Variants in WDR41 observed in about 807,000 individuals in gnomAD.
WDR41 encodes the protein WD repeat domain 41, also known as WD repeat-containing protein 41.
WDR41 carries 63 observed loss-of-function variants against 69.3 expected under a neutral mutation model. The ratio of observed to expected loss-of-function variants is 0.91; its 90% CI spans 0.74 to 1.12. The LOEUF (loss-of-function observed/expected upper bound fraction) is 1.12, where lower values mean the gene tolerates loss of function less well. Among genes scored for constraint, WDR41 ranks in the 50% most tolerant of loss-of-function variants. WDR41 has a pLI of 0.00. For synonymous variants in WDR41, 185 were observed against 192.1 expected (o/e 0.96, Z 0.31); for missense variants, 543 against 534.5 (o/e 1.02, Z -0.16).
At chr5:77,547,621 AG>A in intron 1 of WDR41, among the ~76,000 whole-genome samples, 1 of 148,188 alleles carries the variant, frequency 6.7e-6, no homozygotes, top group Non-Finnish European at 1.5e-5. Context: ...CACTGCTGAA[AG>A]AAAACATAGA....
chr5:77,442,935 A>ATTAT (rs983985237), intron 8 of WDR41, among the ~76,000 whole-genome samples: 1 of 108,276 alleles, frequency 9.2e-6, no homozygotes, highest in South Asian at 3.4e-4. Context: ...CATTTTACAT[A>ATTAT]TTATTTATTT....
chr5:77,478,521 A>G (rs1254764451), intron 2 of WDR41, among the ~76,000 whole-genome samples: 15 of 152,216 alleles, frequency 9.9e-5, no homozygotes, highest in African/African-American at 3.6e-4. Flanking sequence ...CTGGTTCAAT[A>G]TACGCAAATC....
chr5:77,492,978 T>A (rs1190092606), upstream of WDR41, among the ~76,000 whole-genome samples: 1 of 152,156 alleles, frequency 6.6e-6, no homozygotes, highest in Non-Finnish European at 1.5e-5. Context: ...ACATAGAATC[T>A]CCCTAAAGAA....
chr5:77,491,303 A>G (rs1042539479), intron 1 of WDR41: 1 of 243,026 alleles, frequency 4.1e-6, no homozygotes, highest in Non-Finnish European at 8.7e-6. Context: ...ATTTTCCTTT[A>G]CCTACCCAAA....
intron 1 of WDR41, among the ~76,000 whole-genome samples, chr5:77,572,091 G>T (rs1044406393): frequency 1.7e-4 from 26 of 152,122 alleles, no homozygotes; most frequent in Middle Eastern, 3.4e-3. Context: ...ATGAAAGGGA[G>T]TTAGGAAGAT....
intron 1 of WDR41, among the ~76,000 whole-genome samples, chr5:77,520,246 T>G (rs1019012190): frequency 1.3e-5 from 2 of 152,196 alleles, no homozygotes; most frequent in Admixed American, 1.3e-4. Context: ...AAACGTGCAT[T>G]GACAGTATTT....
chr5:77,556,620 G>A (rs1561223668), intron 1 of WDR41, among the ~76,000 whole-genome samples: 3 of 152,286 alleles, frequency 2.0e-5, no homozygotes, highest in Middle Eastern at 3.4e-3. Context: ...CACTAAGACA[G>A]CTGGTTATTC....
chr5:77,496,834 G>T (rs972379937), upstream of WDR41, among the ~76,000 whole-genome samples: 3 of 152,216 alleles, frequency 2.0e-5, no homozygotes, highest in East Asian at 5.8e-4. Context: ...AAGGTTGGAG[G>T]ACTCACACTT....
chr5:77,515,974 T>C (rs1802286011), intron 1 of WDR41, among the ~76,000 whole-genome samples: 1 of 152,222 alleles, frequency 6.6e-6, no homozygotes, highest in African/African-American at 2.4e-5. Context: ...AATGAGTATC[T>C]TTGTGCATGT....
At chr5:77,618,338 C>T (rs1243880734) in intron 1 of WDR41, among the ~76,000 whole-genome samples, 1 of 152,112 alleles carries the variant, frequency 6.6e-6, no homozygotes, top group Non-Finnish European at 1.5e-5. Flanking sequence ...TGGATAAAAT[C>T]TGTCTTCTAT....
At chr5:77,440,187 A>G (rs1217567916) in intron 9 of WDR41, among the ~76,000 whole-genome samples, 2 of 152,250 alleles carry the variant, frequency 1.3e-5, no homozygotes, top group African/African-American at 4.8e-5. Flanking sequence ...CTCGAAGGGT[A>G]CAATTCATAA....
At position 77,433,049 on chromosome 5, in the gene WDR41, A is replaced by T; in HGVS notation, c.*86T>A. ...GACTGACAAAAAAAATTACCAATTTAAGTGATCAATATATTAATGGTTTTC... is the reference window on the plus strand; with the variant it reads ...GACTGACAAAAAAAATTACCAATTTTAGTGATCAATATATTAATGGTTTTC... On this transcript the variant is annotated 3_prime_UTR_variant, in exon 13 of 13. Transcript: ENST00000296679. 1 of 1,373,970 alleles carries T rather than the reference A, an allele frequency of 7.3e-7. No individual in the cohort carries two copies. The highest frequency in any genetic ancestry group is 9.6e-7 in the Non-Finnish European group (1 of 1,038,934). 85.1% of individuals were successfully genotyped at this position (1,373,970 alleles called of 1,614,324 possible).
chr5:77,452,768 A>G (rs949091936), intron 6 of WDR41: 2 of 152,214 alleles, frequency 1.3e-5, no homozygotes, highest in African/African-American at 4.8e-5. Context: ...GATTTAATAT[A>G]TAGTACTTAA....
chr5:77,484,320 C>T (rs147215104), intron 2 of WDR41, among the ~76,000 whole-genome samples: 43 of 152,170 alleles, frequency 2.8e-4, no homozygotes, highest in African/African-American at 9.4e-4. Flanking sequence ...ATGACACTGC[C>T]GAAATTCCCC....
intron 2 of WDR41, among the ~76,000 whole-genome samples, chr5:77,487,042 T>C (rs188378889): frequency 6.6e-6 from 1 of 152,344 alleles, no homozygotes; most frequent in Non-Finnish European, 1.5e-5. Flanking sequence ...CATTATTCTA[T>C]AGGCTGGCCT....
At chr5:77,507,734 G>A (rs1181573463) in intron 1 of WDR41, among the ~76,000 whole-genome samples, 1 of 152,128 alleles carries the variant, frequency 6.6e-6, no homozygotes, top group African/African-American at 2.4e-5. Context: ...GACTAGGTAT[G>A]GATCTCTTTG....
rs1339017462 is a variant in WDR41 at position 77,432,948 on chromosome 5, G to GA, written c.*186dup. 6 of 558,718 alleles carry GA rather than the reference G, an allele frequency of 1.1e-5. No individual in the cohort carries two copies. Among genetic ancestry groups the GA allele is most frequent in the African/African-American group, 1.9e-5 (1 of 51,916 alleles). 34.6% of individuals were successfully genotyped at this position (558,718 alleles called of 1,614,324 possible). On this transcript the variant is annotated 3_prime_UTR_variant, in exon 13 of 13. Coordinates refer to ENST00000296679, the MANE Select transcript of WDR41 (RefSeq NM_018268.4). ...AAAACTTGTGGTATATTCTTTGGAG[G>GA]ATATACTAGGACCTGAGAAGCAACA...
chr5:77,521,979 C>T (rs1413015905), intron 1 of WDR41, among the ~76,000 whole-genome samples: 2 of 152,206 alleles, frequency 1.3e-5, no homozygotes, highest in Non-Finnish European at 2.9e-5. Flanking sequence ...GTTGCACCTA[C>T]TAGCTTAGTA....
intron 1 of WDR41, among the ~76,000 whole-genome samples, chr5:77,504,380 T>C (rs567348351): frequency 6.6e-6 from 1 of 152,224 alleles, no homozygotes; most frequent in African/African-American, 2.4e-5. Context: ...ACGCAATAAT[T>C]AATAGCCTAC....
Sources: gnomAD v4.1 joint callset for allele counts (sites outside exome capture counted in the v4.1 genomes callset) on GRCh38, gnomAD v4.1.1 for gene constraint, MANE v1.5 for transcripts, NCBI Gene and HGNC (gene_info 2026-07-23, HGNC 2026-07-21) for gene names.